The following QRSL1 variants were observed in gnomAD, a reference collection of about 807,000 sequenced individuals.
QRSL1 encodes the protein glutaminyl-tRNA amidotransferase subunit QRSL1.
A neutral mutation model predicts 61.6 loss-of-function variants in QRSL1; 54 were observed. The ratio of observed to expected loss-of-function variants is 0.88; its 90% confidence interval spans 0.70 to 1.10. The LOEUF (loss-of-function observed/expected upper bound fraction) is 1.10. QRSL1 is among the 50% of genes least tolerant of loss of function. The pLI is 0.00. For missense variants in QRSL1, 505 were observed against 622.6 expected (o/e 0.81, Z 2.01); for synonymous variants, 228 against 225.7 (o/e 1.01, Z -0.09).
chr6:106,640,221 TGA>T, intron 1 of QRSL1, 126 bp from the exon 2 acceptor site: 1 of 790,562 alleles, frequency 1.3e-6, no homozygotes, highest in East Asian at 2.6e-5. Context: ...TAGGTTCTCT[TGA>T]TTTTGAACCC....
At chr6:106,643,827 T>A (rs1235522506) in intron 4 of QRSL1, among the ~76,000 whole-genome samples, 1 of 152,172 alleles carries the variant, frequency 6.6e-6, no homozygotes. Flanking sequence ...TTCTTAATTT[T>A]GATAAAGTCC....
chr6:106,658,682 A>C (rs1212212292), intron 9 of QRSL1, among the ~76,000 whole-genome samples: 1 of 152,142 alleles, frequency 6.6e-6, no homozygotes, highest in Non-Finnish European at 1.5e-5. Context: ...TATATGATGT[A>C]TCTTTTTTTC....
At chr6:106,652,641 A>G (rs531402495) in intron 7 of QRSL1, 59 bp downstream of exon 7, 2 of 1,608,210 alleles carry the variant, frequency 1.2e-6, no homozygotes, top group African/African-American at 2.7e-5. Flanking sequence ...GAGAGCACAG[A>G]CTTGGGAGGC....
intron 9 of QRSL1, among the ~76,000 whole-genome samples, chr6:106,659,537 C>T (rs1452545027): frequency 6.7e-6 from 1 of 150,316 alleles, no homozygotes; most frequent in Non-Finnish European, 1.5e-5. Flanking sequence ...ATCATTTTTG[C>T]ATCTGTGTGT....
At position 106,642,415 on chromosome 6, in the gene QRSL1, A is replaced by T. The variant is rs1777036215; in HGVS notation, c.284-579A>T. ...CTGTTTTGTTTCCTATAAAAAGGTAACTGGCCTTTTGGCGGGAACCACCAT... is the reference window on the plus strand; with the variant it reads ...CTGTTTTGTTTCCTATAAAAAGGTATCTGGCCTTTTGGCGGGAACCACCAT... On this transcript the variant is annotated intron_variant, in intron 3 of 10. Transcript: ENST00000369046. 8.5e-5 allele frequency: 46 copies of T among 539,468 alleles called. No individual in the cohort carries two copies. In the South Asian group the frequency reaches 9.1e-4, roughly 11 times the overall value. 33.4% of individuals were successfully genotyped at this position (539,468 alleles called of 1,614,324 possible). A position where few individuals can be genotyped will look rare whatever the true frequency, so the allele number is the denominator to read the frequency against.
At chr6:106,652,434 A>G (rs771244109) in intron 6 of QRSL1, 33 bp from the exon 7 acceptor site, 7 of 1,613,608 alleles carry the variant, frequency 4.3e-6, no homozygotes, top group Admixed American at 1.7e-5. Context: ...ATAAAACAAT[A>G]TATCTGTCAT....
At chr6:106,635,275 A>G (rs1755402036) in intron 1 of QRSL1, among the ~76,000 whole-genome samples, 1 of 152,198 alleles carries the variant, frequency 6.6e-6, no homozygotes, top group African/African-American at 2.4e-5. Flanking sequence ...AAGAATGCCC[A>G]GTGAGACAGG....
chr6:106,664,338 A>G (rs1431034132), intron 10 of QRSL1, among the ~76,000 whole-genome samples: 2 of 152,308 alleles, frequency 1.3e-5, no homozygotes, highest in South Asian at 2.1e-4. Context: ...AGGAAAGTCT[A>G]TTACATTTAC....
intron 1 of QRSL1, among the ~76,000 whole-genome samples, chr6:106,630,131 A>G (rs1776787670): frequency 6.6e-6 from 1 of 152,154 alleles, no homozygotes; most frequent in Non-Finnish European, 1.5e-5. Flanking sequence ...GCTTTTTTCA[A>G]AGAATTCGTT....
At chr6:106,646,318 A>G (rs1315795723) in intron 4 of QRSL1, among the ~76,000 whole-genome samples, 2 of 152,224 alleles carry the variant, frequency 1.3e-5, no homozygotes, top group Non-Finnish European at 2.9e-5. Context: ...GTCTGAGGAT[A>G]CAATATCACC....
chr6:106,652,921 C>A, intron 7 of QRSL1: 1 of 599,194 alleles, frequency 1.7e-6, no homozygotes, highest in Non-Finnish European at 2.7e-6. Flanking sequence ...GAGAAAGCAG[C>A]CACAGACAAT....
chr6:106,655,919 T>C (rs1777262843), intron 9 of QRSL1, among the ~76,000 whole-genome samples, 187 bp downstream of exon 9: 2 of 152,220 alleles, frequency 1.3e-5, no homozygotes, highest in African/African-American at 4.8e-5. Context: ...GTACTTTAGC[T>C]AAATGATTGG....
At chr6:106,639,000 T>C (rs1776966158) in intron 1 of QRSL1, among the ~76,000 whole-genome samples, 1 of 152,150 alleles carries the variant, frequency 6.6e-6, no homozygotes. Flanking sequence ...GAGGTCACCT[T>C]GTCCTTTACT....
chr6:106,659,804 T>G (rs1777327640), intron 9 of QRSL1, among the ~76,000 whole-genome samples: 1 of 152,260 alleles, frequency 6.6e-6, no homozygotes, highest in South Asian at 2.1e-4. Context: ...GGTGATGCTT[T>G]GATGCTGCAT....
At chr6:106,665,076 A>C (rs1777410127) in intron 10 of QRSL1, among the ~76,000 whole-genome samples, 1 of 152,152 alleles carries the variant, frequency 6.6e-6, no homozygotes, top group Admixed American at 6.6e-5. Context: ...TGATGGTCAA[A>C]TTGCCTTAAA....
chr6:106,668,251 A>G lies in QRSL1; in HGVS notation c.*2249A>G, dbSNP rs1777472325. On this transcript the variant is annotated 3_prime_UTR_variant, in exon 11 of 11. Coordinates refer to ENST00000369046, the MANE Select transcript of QRSL1 (RefSeq NM_018292.5). ...AGTGAAACATTTACCGTTCTCATAT[A>G]CTGATACCCAACTACCATGAAATGA... is the stretch of plus-strand genomic sequence containing the variant. The G allele has an allele frequency of 6.6e-6, 1 of 152,094 alleles. No homozygotes were observed. Among genetic ancestry groups the G allele is most frequent in the Non-Finnish European group, 1.5e-5 (1 of 68,028 alleles). The allele number at this position is 152,094 out of a possible 1,614,324, so 9.4% of individuals were successfully genotyped here.
chr6:106,645,068 G>A (rs1257790233), intron 4 of QRSL1, among the ~76,000 whole-genome samples: 2 of 152,060 alleles, frequency 1.3e-5, no homozygotes, highest in Non-Finnish European at 2.9e-5. Context: ...TCTGTTTCTG[G>A]ACTCTGTTGC....
intron 9 of QRSL1, among the ~76,000 whole-genome samples, chr6:106,656,349 G>A (rs780881431): frequency 1.5e-4 from 23 of 152,322 alleles, no homozygotes; most frequent in Non-Finnish European, 2.6e-4. Flanking sequence ...CTTAAGCAGA[G>A]AGTTGTATTG....
At chr6:106,630,063 T>C (rs1297740107) in intron 1 of QRSL1, among the ~76,000 whole-genome samples, 9 of 152,078 alleles carry the variant, frequency 5.9e-5, no homozygotes. Flanking sequence ...TTAGCTGCAG[T>C]TGTCGCTAAG....
Sources: allele counts gnomAD v4.1 joint callset (sites outside exome capture counted in the v4.1 genomes callset), GRCh38; gene constraint gnomAD v4.1.1; transcripts MANE v1.5; gene names NCBI Gene and HGNC (gene_info 2026-07-23, HGNC 2026-07-21).